The following RAB3B variants were observed in gnomAD, a reference collection of about 807,000 sequenced individuals.
RAB3B encodes ras-related protein Rab-3B.
In RAB3B, 11 loss-of-function variants were observed where a neutral mutation model predicts 20.5. That is an observed-to-expected ratio of 0.54 (90% CI 0.34 to 0.89). RAB3B has a LOEUF of 0.89. RAB3B is among the 40% of genes least tolerant of loss of function. The pLI, the probability that RAB3B is intolerant of heterozygous loss-of-function variation, is 0.02. For missense variants in RAB3B, 225 were observed against 280.9 expected, an observed-to-expected ratio of 0.80 and a Z score of 1.42; for synonymous variants, 99 against 106.3, an observed-to-expected ratio of 0.93 and a Z score of 0.42.
At chr1:51,984,004 C>T (rs1201289404) in intron 1 of RAB3B, among the ~76,000 whole-genome samples, 2 of 151,746 alleles carry the variant, frequency 1.3e-5, no homozygotes, top group Non-Finnish European at 2.9e-5. Flanking sequence ...GTGGCTCATG[C>T]CTGTAATCCC....
intron 1 of RAB3B, among the ~76,000 whole-genome samples, chr1:51,983,966 A>T (rs1685119698): frequency 4.6e-5 from 7 of 152,112 alleles, no homozygotes; most frequent in Admixed American, 3.9e-4. Context: ...TCTCAAAAAA[A>T]AAGAAAAGAA....
chr1:51,990,260 T>G (rs1294724310), intron 1 of RAB3B, among the ~76,000 whole-genome samples: 1 of 53,230 alleles, frequency 1.9e-5, no homozygotes, highest in Non-Finnish European at 3.5e-5. Context: ...GATCCCTCAC[T>G]GCCCTCCAGT....
intron 1 of RAB3B, chr1:51,980,793 C>T (rs909475826): frequency 2.7e-6 from 2 of 750,558 alleles, no homozygotes; most frequent in Non-Finnish European, 4.9e-6. Flanking sequence ...TAGGTGCTGC[C>T]CCACGACCCC....
chr1:51,931,834 TG>T (rs1684331296), intron 4 of RAB3B, among the ~76,000 whole-genome samples: 1 of 151,898 alleles, frequency 6.6e-6, no homozygotes, highest in Non-Finnish European at 1.5e-5. Flanking sequence ...GGGTAGAAGA[TG>T]GGGAGTAGAA....
intron 4 of RAB3B, among the ~76,000 whole-genome samples, chr1:51,923,056 C>T (rs544882151): frequency 3.9e-4 from 59 of 152,318 alleles, no homozygotes; most frequent in African/African-American, 1.3e-3. Flanking sequence ...GTTAGAGATA[C>T]AGACACAGGG....
At chr1:51,984,697 T>C (rs1250909724) in intron 1 of RAB3B, among the ~76,000 whole-genome samples, 1 of 152,236 alleles carries the variant, frequency 6.6e-6, no homozygotes, top group Non-Finnish European at 1.5e-5. Context: ...GCAGTGAACA[T>C]TTCTTTACAT....
At position 51,917,583 on chromosome 1, in the gene RAB3B, T is replaced by C. The variant is rs2795001; in HGVS notation, c.*2344A>G. On this transcript the variant is annotated 3_prime_UTR_variant, in exon 5 of 5. Transcript: ENST00000371655. ...AGAGAGACAGAGAGACAGGGTCTTA[T>C]TCTTACTCTGTCACCCAGACTGGAA... 0.77 allele frequency: 117,310 copies of C among 152,026 alleles called. 45,806 individuals carry two copies. Among genetic ancestry groups the C allele is most frequent in the East Asian group, 0.89 (4,614 of 5,164 alleles). 9.4% of individuals were successfully genotyped at this position (152,026 alleles called of 1,614,324 possible).
chr1:51,942,157 T>C (rs1481632362), intron 2 of RAB3B, among the ~76,000 whole-genome samples: 1 of 152,212 alleles, frequency 6.6e-6, no homozygotes. Context: ...TAAGCCACTC[T>C]TCCTGGTCTA....
intron 1 of RAB3B, among the ~76,000 whole-genome samples, 184 bp from the exon 2 acceptor site, chr1:51,977,301 T>C (rs1406425914): frequency 6.6e-6 from 1 of 152,178 alleles, no homozygotes; most frequent in Non-Finnish European, 1.5e-5. Flanking sequence ...AGCACTGAGG[T>C]GGAACCCAGC....
At chr1:51,934,560 A>G (rs887680275) in intron 3 of RAB3B, among the ~76,000 whole-genome samples, 1 of 152,120 alleles carries the variant, frequency 6.6e-6, no homozygotes, top group Non-Finnish European at 1.5e-5. Flanking sequence ...CCACGAGGTC[A>G]GGAGATCGAG....
At chr1:51,947,349 T>C (rs1052819419) in intron 2 of RAB3B, among the ~76,000 whole-genome samples, 1 of 151,596 alleles carries the variant, frequency 6.6e-6, no homozygotes, top group Non-Finnish European at 1.5e-5. Context: ...TGAGCTGAGA[T>C]TGCACACTGC....
At chr1:51,986,405 C>A (rs1479690039) in intron 1 of RAB3B, among the ~76,000 whole-genome samples, 1 of 152,192 alleles carries the variant, frequency 6.6e-6, no homozygotes, top group East Asian at 1.9e-4. Flanking sequence ...CTGCCTCGGC[C>A]TCCCAAAGTG....
rs61490968 is a variant in RAB3B, at chr1:51,914,663, G to A, written c.*5264C>T. The A allele has an allele frequency of 6.6e-6, 1 of 152,168 alleles. No individual in the cohort carries two copies. The highest frequency in any genetic ancestry group is 1.5e-5 in the Non-Finnish European group (1 of 68,036). The allele number at this position is 152,168 out of a possible 1,614,324, so 9.4% of individuals were successfully genotyped here. On this transcript the variant is annotated 3_prime_UTR_variant, in exon 5 of 5. Coordinates refer to ENST00000371655, the MANE Select transcript of RAB3B (RefSeq NM_002867.4). ...AACAGTATTTATATCTCACGGACTAGTGTTTTGCATTTACTTCCAGCCACA... is the reference window on the plus strand; with the variant it reads ...AACAGTATTTATATCTCACGGACTAATGTTTTGCATTTACTTCCAGCCACA...
intron 2 of RAB3B, among the ~76,000 whole-genome samples, chr1:51,965,794 C>T (rs143153423): frequency 1.3e-4 from 20 of 151,948 alleles, no homozygotes; most frequent in Middle Eastern, 3.4e-3. Context: ...CAAATAAAGA[C>T]GGTAGTTTAA....
At chr1:51,939,822 G>T (rs1041751175) in intron 2 of RAB3B, among the ~76,000 whole-genome samples, 1 of 152,124 alleles carries the variant, frequency 6.6e-6, no homozygotes, top group Non-Finnish European at 1.5e-5. Context: ...TGATCCTCCT[G>T]CCTCAGCCTC....
intron 2 of RAB3B, among the ~76,000 whole-genome samples, chr1:51,961,206 T>C (rs534671859): frequency 3.7e-4 from 56 of 152,194 alleles, no homozygotes; most frequent in African/African-American, 1.3e-3. Flanking sequence ...TACATACCTA[T>C]ACACTGGTGT....
At chr1:51,961,933 G>A (rs982358448) in intron 2 of RAB3B, among the ~76,000 whole-genome samples, 17 of 152,120 alleles carry the variant, frequency 1.1e-4, no homozygotes, top group African/African-American at 4.1e-4. Context: ...ACCAAGCCCC[G>A]CTAAATTTTT....
In RAB3B at chr1:51,981,256, G is replaced by A. The variant is rs577345807; in HGVS notation, c.1-4139C>T. Among the ~76,000 whole-genome samples the A allele has an allele frequency of 1.8e-4, 28 of 152,240 alleles. 1 individual carries two copies. The South Asian group carries it at 4.6e-3, about 25-fold the overall frequency. ...ATGCTGTCCAGGCTGGTCTTAAACC[G>A]GGATCAAGTGATCTGCCCTCCGTGG... On this transcript the variant is annotated intron_variant, in intron 1 of 4. Transcript: ENST00000371655.
At chr1:51,976,763 C>G in intron 2 of RAB3B, 127 bp downstream of exon 2, 1 of 809,348 alleles carries the variant, frequency 1.2e-6, no homozygotes, top group South Asian at 1.8e-5. Context: ...AGGGGCCACA[C>G]CTGAAACAGC....
Sources: gnomAD v4.1 joint callset for allele counts (sites outside exome capture counted in the v4.1 genomes callset) on GRCh38, gnomAD v4.1.1 for gene constraint, MANE v1.5 for transcripts, NCBI Gene and HGNC (gene_info 2026-07-23, HGNC 2026-07-21) for gene names.